SGCD: variants seen among roughly 807,000 people sequenced by gnomAD.
SGCD encodes the protein sarcoglycan delta.
SGCD carries 18 observed loss-of-function variants against 36.6 expected under a neutral mutation model. The ratio of observed to expected loss-of-function variants is 0.49; its 90% CI spans 0.34 to 0.73. SGCD has a LOEUF of 0.73. Among genes scored for constraint, SGCD ranks in the 30% least tolerant of loss-of-function variants. The probability of loss-of-function intolerance (pLI) is 0.01; values close to 1 mark genes in which losing one functional copy is unlikely to be tolerated. For missense variants in SGCD, 387 were observed against 346.7 expected (o/e 1.12, Z -0.92); for synonymous variants, 133 against 130.6 (o/e 1.02, Z -0.12).
intron 6 of SGCD, among the ~76,000 whole-genome samples, chr5:156,602,605 T>C (rs11957615): frequency 0.057 from 8,684 of 152,222 alleles, 833 homozygotes; most frequent in African/African-American, 0.2. Flanking sequence ...CTTTATTGTG[T>C]TGAGGTACCT....
intron 1 of SGCD, among the ~76,000 whole-genome samples, chr5:156,099,087 C>T (rs1324718263): frequency 3.3e-5 from 5 of 152,338 alleles, no homozygotes; most frequent in Middle Eastern, 6.8e-3. Flanking sequence ...ACCAGATCTG[C>T]ATAGCCTTCT....
At chr5:155,939,644 CAAAA>C (rs70981990) in intron 1 of SGCD, among the ~76,000 whole-genome samples, 1 of 127,034 alleles carries the variant, frequency 7.9e-6, no homozygotes, top group African/African-American at 2.9e-5. Context: ...GACTCTCTCT[CAAAA>C]AAAAAAAAAA....
chr5:156,575,580 T>G (rs1759906873), intron 4 of SGCD, among the ~76,000 whole-genome samples: 1 of 152,218 alleles, frequency 6.6e-6, no homozygotes, highest in South Asian at 2.1e-4. Context: ...ACTGTAGACA[T>G]TAAGCCATCC....
intron 3 of SGCD, among the ~76,000 whole-genome samples, chr5:156,199,364 T>A (rs909464437): frequency 2.0e-5 from 3 of 152,110 alleles, no homozygotes; most frequent in African/African-American, 7.2e-5. Context: ...AGAACAAAAA[T>A]AATGTCTTCT....
chr5:156,057,154 T>C (rs1440330722), intron 1 of SGCD, among the ~76,000 whole-genome samples: 1 of 146,568 alleles, frequency 6.8e-6, no homozygotes, highest in Non-Finnish European at 1.5e-5. Context: ...AAATATTCAC[T>C]ATGTAAAATT....
At chr5:156,546,540 A>T (rs767734340) in intron 4 of SGCD, among the ~76,000 whole-genome samples, 3 of 152,208 alleles carry the variant, frequency 2.0e-5, no homozygotes, top group Admixed American at 6.5e-5. Context: ...CAAGAAAGAA[A>T]TTGTAGTGCT....
intron 1 of SGCD, among the ~76,000 whole-genome samples, chr5:155,902,624 A>C (rs1756415060): frequency 6.6e-6 from 1 of 152,134 alleles, no homozygotes. Flanking sequence ...ACAGCTTCTG[A>C]CTTTACTTCC....
intron 3 of SGCD, among the ~76,000 whole-genome samples, chr5:156,171,085 C>T (rs78275475): frequency 3.3e-5 from 5 of 152,134 alleles, no homozygotes; most frequent in East Asian, 3.9e-4. Context: ...TGTGTCTTTG[C>T]GGTTTGGACA....
chr5:155,954,507 G>T (rs1381488897), intron 1 of SGCD, among the ~76,000 whole-genome samples: 1 of 150,558 alleles, frequency 6.6e-6, no homozygotes, highest in Non-Finnish European at 1.5e-5. Flanking sequence ...GCAATTCTTA[G>T]CACCCCATCT....
intron 7 of SGCD, among the ~76,000 whole-genome samples, chr5:156,709,478 G>T (rs1357620033): frequency 6.6e-6 from 1 of 152,126 alleles, no homozygotes; most frequent in African/African-American, 2.4e-5. Context: ...GCTCCACCTT[G>T]GGAGAAAATC....
chr5:156,367,418 C>T (rs1341192857), intron 3 of SGCD, among the ~76,000 whole-genome samples: 1 of 152,018 alleles, frequency 6.6e-6, no homozygotes, highest in Non-Finnish European at 1.5e-5. Context: ...GTTTTCCAAA[C>T]CTTGAGAGGA....
intron 1 of SGCD, among the ~76,000 whole-genome samples, chr5:155,904,095 G>A (rs956839585): frequency 1.3e-5 from 2 of 152,170 alleles, no homozygotes; most frequent in Non-Finnish European, 2.9e-5. Context: ...GTGAAAATAG[G>A]CATCTTCATA....
chr5:156,596,113 G>T (rs962150920), intron 6 of SGCD, among the ~76,000 whole-genome samples: 5 of 152,144 alleles, frequency 3.3e-5, no homozygotes, highest in African/African-American at 9.7e-5. Context: ...GGTTAAATGA[G>T]ACTCTGTTAC....
chr5:155,841,691 G>A, the SGCD span, among the ~76,000 whole-genome samples: 1 of 151,960 alleles, frequency 6.6e-6, no homozygotes, highest in East Asian at 1.9e-4. Context: ...TTATCTTGAA[G>A]CTTATAGCAA....
chr5:156,568,028 C>T (rs758489088), intron 4 of SGCD, among the ~76,000 whole-genome samples: 4 of 152,056 alleles, frequency 2.6e-5, no homozygotes, highest in Admixed American at 1.3e-4. Flanking sequence ...GGATCCAGAA[C>T]CTGAATGATA....
chr5:156,686,214 T>G (rs1753899337), intron 7 of SGCD, among the ~76,000 whole-genome samples: 1 of 152,160 alleles, frequency 6.6e-6, no homozygotes, highest in African/African-American at 2.4e-5. Flanking sequence ...CTAGAGGGGT[T>G]ATAGAATTTA....
At chr5:156,080,573 A>T (rs1465636823) in intron 1 of SGCD, among the ~76,000 whole-genome samples, 1 of 152,190 alleles carries the variant, frequency 6.6e-6, no homozygotes, top group Non-Finnish European at 1.5e-5. Flanking sequence ...CAGCCAGGCC[A>T]TTTCTTGAAT....
intron 7 of SGCD, among the ~76,000 whole-genome samples, chr5:156,662,663 A>G (rs200369705): frequency 3.1e-4 from 43 of 138,642 alleles, no homozygotes; most frequent in South Asian, 1.2e-3. Context: ...TTAAAGGCCA[A>G]TCTTTTGGGA....
chr5:156,463,441 T>A (rs1467600804), intron 3 of SGCD, among the ~76,000 whole-genome samples: 2 of 152,162 alleles, frequency 1.3e-5, no homozygotes, highest in Non-Finnish European at 2.9e-5. Context: ...AAATTTGTAA[T>A]AAAGTTCTAT....
Sources: allele counts gnomAD v4.1 joint callset (sites outside exome capture counted in the v4.1 genomes callset), GRCh38; gene constraint gnomAD v4.1.1; transcripts MANE v1.5; gene names NCBI Gene and HGNC (gene_info 2026-07-23, HGNC 2026-07-21).